Variants in DLG3 observed in about 807,000 individuals in gnomAD.
DLG3 encodes the protein disks large homolog 3.
Under a neutral mutation model 64.1 loss-of-function variants are expected in DLG3, and 1 was observed. The observed-to-expected ratio is 0.02, with a 90% CI of 0.01 to 0.07. The LOEUF is 0.07. Ranked by LOEUF, DLG3 falls within the 10% of genes least tolerant of loss-of-function variation. DLG3 has a pLI of 1.00. For missense variants in DLG3, 429 were observed against 669.5 expected (o/e 0.64, Z 3.96); for synonymous variants, 245 against 259.8 (o/e 0.94, Z 0.55).
At chrX:70,449,054 G>A in intron 2 of DLG3, 91 bp downstream of exon 2, 1 of 1,011,142 alleles carries the variant, frequency 9.9e-7, no homozygotes, top group Non-Finnish European at 1.4e-6. Flanking sequence ...CAAGACCCAT[G>A]GGGGGACCTG....
In DLG3 at chrX:70,486,158, G is replaced by A. The variant is rs1386040321; in HGVS notation, c.1521-5949G>A. On this transcript the variant is annotated intron_variant, in intron 10 of 18. Transcript: ENST00000374360. ...TTTTTACATGTCACATTTTCCCTGG[G>A]CTACACTCTTTCCCTTGCTCTTAAA... 2.8e-5 allele frequency among the ~76,000 whole-genome samples: 3 copies of A among 108,547 alleles called. No individual in the cohort carries two copies. The East Asian group carries it at 8.9e-4, about 32-fold the overall frequency. 94.3% of individuals were successfully genotyped at this position (108,547 alleles called of 115,157 possible). A position where few individuals can be genotyped will look rare whatever the true frequency, so the allele number is the denominator to read the frequency against.
rs750859618 is a variant in DLG3, at chrX:70,482,956, C to T, written c.1520+3692C>T. ...TGCTAGGATTACAGGCATGAGTCAC[C>T]GCGCCCTGCCCAGGAAAATATATGT... is the stretch of plus-strand genomic sequence containing the variant. On this transcript the variant is annotated intron_variant, in intron 10 of 18. Transcript: ENST00000374360. Among the ~76,000 whole-genome samples, 59 of 109,881 alleles carry T rather than the reference C, an allele frequency of 5.4e-4. No individual in the cohort carries two copies. The Middle Eastern group carries it at 0.018, about 34-fold the overall frequency.
At chrX:70,500,784 A>T in intron 17 of DLG3, 114 bp from the exon 18 acceptor site, 1 of 773,789 alleles carries the variant, frequency 1.3e-6, no homozygotes, top group South Asian at 2.2e-5. Flanking sequence ...GCTACGGGCC[A>T]CTGCTGCTCT....
At chrX:70,449,586 G>A (rs776805972) in intron 3 of DLG3, 103 bp downstream of exon 3, 11 of 1,146,186 alleles carry the variant, frequency 9.6e-6, no homozygotes, top group African/African-American at 9.0e-5. Context: ...ATCTGAGGGC[G>A]GGGTGGGAGG....
Position 70,499,240 on chromosome X carries a change from C to A in DLG3, c.1935C>A (p.Ile645=), listed in dbSNP as rs1355257535. The A allele has an allele frequency of 8.3e-7, 1 of 1,210,593 alleles. No homozygotes were observed. The highest frequency in any genetic ancestry group is 1.1e-6 in the Non-Finnish European group (1 of 894,680). ...AGGACCGAGTCAATGATGACCTGAT[C>A]TCCGAATTTCCACATAAATTTGGAT... The part of the protein sequence containing the change: ...PMKDRVNDDL[I]SEFPHKFGSC... Residue 645 remains isoleucine (I), a synonymous_variant, in exon 15 of 19, where the codon ATC becomes ATA. Transcript: ENST00000374360.
rs1193451998 is a variant in DLG3 at position 70,504,580 on chromosome X, G to T, written c.*2311G>T. 1.8e-5 allele frequency: 2 copies of T among 111,830 alleles called. No homozygotes were observed. The highest frequency in any genetic ancestry group is 3.8e-5 in the Non-Finnish European group (2 of 53,155). The allele number at this position is 111,830 out of a possible 1,213,427, so 9.2% of individuals were successfully genotyped here. A position where few individuals can be genotyped will look rare whatever the true frequency, so the allele number is the denominator to read the frequency against. ...TGCTTGGTCTTCCACCCCAGCCCCA[G>T]ACACTGCTTCAAATAGCACCAACCA... On this transcript the variant is annotated 3_prime_UTR_variant, in exon 19 of 19. Transcript: ENST00000374360.
At chrX:70,473,157 C>CAAA (rs59440260) in intron 9 of DLG3, among the ~76,000 whole-genome samples, 6 of 42,155 alleles carry the variant, frequency 1.4e-4, no homozygotes, top group Non-Finnish European at 1.8e-4. Context: ...AACTCCGTCT[C>CAAA]AAAAAAAAAA....
rs764190037 is a variant in DLG3 at position 70,450,132 on chromosome X, T to C, written c.704-37T>C. The C allele has an allele frequency of 8.3e-6, 10 of 1,207,324 alleles. No homozygotes were observed. In the Admixed American group the frequency reaches 2.0e-4, roughly 24 times the overall value. ...GATCGACAACACTTTAACCTCTCCT[T>C]GTGGCCCTCTCCCACCTCCTGCTGG... is the stretch of plus-strand genomic sequence containing the variant. On this transcript the variant is annotated intron_variant, in intron 4 of 18. Transcript: ENST00000374360.
intron 10 of DLG3, 33 bp from the exon 11 acceptor site, chrX:70,492,074 G>A (rs1345573924): frequency 8.6e-7 from 1 of 1,163,038 alleles, no homozygotes; most frequent in East Asian, 3.3e-5. Flanking sequence ...TTTAGGGTTG[G>A]ATGATCACTT....
chrX:70,487,059 A>G (rs776056586), intron 10 of DLG3, among the ~76,000 whole-genome samples: 1 of 112,374 alleles, frequency 8.9e-6, no homozygotes, highest in African/African-American at 3.2e-5. Context: ...TCTAATTTAC[A>G]TACTTTTTTT....
chrX:70,482,181 G>A (rs893430020), intron 10 of DLG3, among the ~76,000 whole-genome samples: 3 of 112,254 alleles, frequency 2.7e-5, no homozygotes, highest in East Asian at 2.8e-4. Context: ...GACTGCTTCC[G>A]GATATAGTAA....
rs754855073 is a variant in DLG3 at position 70,452,432 on chromosome X, C to T, written c.1145+406C>T. The T allele has an allele frequency of 2.3e-5, 22 of 949,863 alleles. No homozygotes were observed. In the East Asian group the frequency reaches 9.9e-4, roughly 43 times the overall value. 78.3% of individuals were successfully genotyped at this position (949,863 alleles called of 1,213,427 possible). A position where few individuals can be genotyped will look rare whatever the true frequency, so the allele number is the denominator to read the frequency against. On this transcript the variant is annotated intron_variant, in intron 7 of 18. Transcript: ENST00000374360. ...GGGGCTGGCGGGACTCTGACCGGCC[C>T]GGTGGCCTCGCCGGCAACGGCCCCG...
intron 10 of DLG3, among the ~76,000 whole-genome samples, chrX:70,486,749 C>A (rs143239963): frequency 5.1e-4 from 55 of 107,605 alleles, no homozygotes; most frequent in Non-Finnish European, 5.2e-4. Flanking sequence ...GGACTTCCGT[C>A]CTGGGACAGT....
chrX:70,500,849 T>C (rs1406768890), intron 17 of DLG3, 49 bp from the exon 18 acceptor site: 1 of 1,081,465 alleles, frequency 9.2e-7, no homozygotes, highest in East Asian at 3.3e-5. Flanking sequence ...TTATGGTTAA[T>C]CAGAACATAA....
At chrX:70,501,011 G>A (rs1361973642) in intron 18 of DLG3, 22 bp downstream of exon 18, 12 of 1,081,682 alleles carry the variant, frequency 1.1e-5, no homozygotes, top group Admixed American at 4.9e-5. Flanking sequence ...GCTGCCCTGC[G>A]GGGGGTTCTG....
At chrX:70,471,147 A>G (rs1036785249) in intron 9 of DLG3, among the ~76,000 whole-genome samples, 2 of 110,421 alleles carry the variant, frequency 1.8e-5, no homozygotes, top group African/African-American at 6.6e-5. Context: ...AGGGGTGCAG[A>G]TCGCCACACT....
At chrX:70,501,063 G>T (rs1345944750) in intron 18 of DLG3, 74 bp downstream of exon 18, 1 of 808,366 alleles carries the variant, frequency 1.2e-6, no homozygotes, top group Non-Finnish European at 1.8e-6. Context: ...GTCTCAAAGA[G>T]GTGTAGACAG....
chrX:70,479,578 A>G (rs1016607115), intron 10 of DLG3, among the ~76,000 whole-genome samples: 6 of 111,620 alleles, frequency 5.4e-5, no homozygotes, highest in African/African-American at 2.0e-4. Context: ...TTTGCTTGCA[A>G]TCTGTGCTTT....
chrX:70,469,878 C>T (rs962956103), intron 9 of DLG3, among the ~76,000 whole-genome samples: 1 of 112,345 alleles, frequency 8.9e-6, no homozygotes, highest in Non-Finnish European at 1.9e-5. Context: ...TCACTTCCAC[C>T]AGAGTTCTGT....
Sources: gnomAD v4.1 joint callset for allele counts (sites outside exome capture counted in the v4.1 genomes callset) on GRCh38, gnomAD v4.1.1 for gene constraint, MANE v1.5 for transcripts, NCBI Gene and HGNC (gene_info 2026-07-23, HGNC 2026-07-21) for gene names.